Variants in M1AP observed in about 807,000 individuals in gnomAD.
M1AP encodes the protein meiosis 1 associated protein.
Under a neutral mutation model 51.2 loss-of-function variants are expected in M1AP, and 39 were observed. That is an observed-to-expected ratio of 0.76 (90% CI 0.59 to 1.00). The LOEUF (loss-of-function observed/expected upper bound fraction) is 1.00. Ranked by LOEUF, M1AP falls within the 50% of genes least tolerant of loss-of-function variation. M1AP has a pLI of 0.00. For synonymous variants in M1AP, 251 were observed against 249.2 expected, an observed-to-expected ratio of 1.01 and a Z score of -0.07; for missense variants, 545 against 641.2, an observed-to-expected ratio of 0.85 and a Z score of 1.62.
At chr2:74,560,435 C>T (rs1677841997) in intron 8 of M1AP, 144 bp from the exon 9 acceptor site, 2 of 831,498 alleles carry the variant, frequency 2.4e-6, no homozygotes, top group Admixed American at 6.4e-5. Context: ...GATGCTGTCC[C>T]CCTGGGTGTT....
At chr2:74,586,373 C>A (rs1304148065) in intron 4 of M1AP, among the ~76,000 whole-genome samples, 2 of 152,212 alleles carry the variant, frequency 1.3e-5, no homozygotes, top group African/African-American at 2.4e-5. Context: ...ACTCCCTCCT[C>A]CTCAGCTCTC....
At chr2:74,619,904 C>G (rs1350902811) in intron 2 of M1AP, among the ~76,000 whole-genome samples, 2 of 152,088 alleles carry the variant, frequency 1.3e-5, no homozygotes, top group Non-Finnish European at 2.9e-5. Context: ...AAAAAGACAC[C>G]CAGGCAACAA....
chr2:74,587,019 T>A (rs975404173), intron 4 of M1AP, among the ~76,000 whole-genome samples: 8 of 149,890 alleles, frequency 5.3e-5, no homozygotes, highest in East Asian at 2.0e-4. Context: ...AAAAAAAAAA[T>A]TTGTTAGCTA....
intron 2 of M1AP, chr2:74,628,442 G>C (rs1234285581): frequency 2.5e-6 from 1 of 393,540 alleles, no homozygotes; most frequent in Non-Finnish European, 5.2e-6. Flanking sequence ...AACCATATAG[G>C]TTGGCATCTG....
At chr2:74,623,517 A>AG (rs962368095) in intron 2 of M1AP, among the ~76,000 whole-genome samples, 17 of 149,046 alleles carry the variant, frequency 1.1e-4, no homozygotes, top group Admixed American at 2.0e-4. Flanking sequence ...AAAAAAAAAA[A>AG]AGAGAGAGAG....
intron 2 of M1AP, among the ~76,000 whole-genome samples, chr2:74,618,087 G>A (rs1558685093): frequency 6.6e-6 from 1 of 152,214 alleles, no homozygotes; most frequent in Non-Finnish European, 1.5e-5. Context: ...ATGATGATAT[G>A]GTTGGGGGGA....
intron 1 of M1AP, among the ~76,000 whole-genome samples, chr2:74,647,075 G>C (rs1683654520): frequency 6.6e-6 from 1 of 152,120 alleles, no homozygotes; most frequent in African/African-American, 2.4e-5. Context: ...CTGCAAACTG[G>C]TTAAAACTGG....
chr2:74,612,548 T>C (rs1339254380), intron 3 of M1AP, among the ~76,000 whole-genome samples: 1 of 152,154 alleles, frequency 6.6e-6, no homozygotes, highest in Non-Finnish European at 1.5e-5. Context: ...TTTTTTTCCT[T>C]CTAGTAATTT....
At chr2:74,648,131 G>A in intron 1 of M1AP, 134 bp downstream of exon 1, 1 of 972,908 alleles carries the variant, frequency 1.0e-6, no homozygotes, top group Non-Finnish European at 1.2e-6. Context: ...TCTTGCGCCG[G>A]CACCCGCCAC....
chr2:74,588,407 C>T (rs1454947110), intron 4 of M1AP, among the ~76,000 whole-genome samples: 1 of 152,172 alleles, frequency 6.6e-6, no homozygotes, highest in Admixed American at 6.5e-5. Context: ...GCTGTCTACT[C>T]TCTGAATACA....
chr2:74,617,919 C>T (rs2104750426), intron 2 of M1AP, among the ~76,000 whole-genome samples: 1 of 152,340 alleles, frequency 6.6e-6, no homozygotes, highest in Admixed American at 6.5e-5. Context: ...AGTCTGTGCA[C>T]ATGTCAACTA....
At chr2:74,603,783 T>G (rs564907580) in intron 4 of M1AP, among the ~76,000 whole-genome samples, 1 of 152,162 alleles carries the variant, frequency 6.6e-6, no homozygotes, top group Non-Finnish European at 1.5e-5. Context: ...AGGATCCACA[T>G]GTGTCAGAAT....
At chr2:74,640,398 C>A in intron 1 of M1AP, 71 bp from the exon 2 acceptor site, 1 of 1,296,052 alleles carries the variant, frequency 7.7e-7, no homozygotes, top group Admixed American at 2.7e-5. Context: ...ATATAAAATA[C>A]AAGTCGAGGG....
intron 2 of M1AP, 135 bp from the exon 3 acceptor site, chr2:74,615,284 G>A (rs1343177153): frequency 2.6e-5 from 20 of 762,934 alleles, no homozygotes; most frequent in Non-Finnish European, 4.0e-5. Context: ...AACATCTACT[G>A]AATTCCTATT....
intron 2 of M1AP, among the ~76,000 whole-genome samples, chr2:74,636,279 G>C (rs1350175259): frequency 6.6e-6 from 1 of 151,670 alleles, no homozygotes; most frequent in Non-Finnish European, 1.5e-5. Context: ...ATCCACTCCT[G>C]CTTTGTTTTG....
chr2:74,640,463 A>AT (rs757761825), intron 1 of M1AP, 136 bp from the exon 2 acceptor site: 55,003 of 512,026 alleles, frequency 0.11, 49 homozygotes, highest in Middle Eastern at 0.14. Context: ...AGGCCATCCT[A>AT]TTTTTTTTTT....
At chr2:74,636,426 T>C (rs1037633167) in intron 2 of M1AP, among the ~76,000 whole-genome samples, 9 of 152,148 alleles carry the variant, frequency 5.9e-5, no homozygotes, top group African/African-American at 1.7e-4. Context: ...TTTCTTTTAA[T>C]TGATGTTTTT....
At chr2:74,606,171 C>T (rs1680983996) in intron 4 of M1AP, among the ~76,000 whole-genome samples, 1 of 152,178 alleles carries the variant, frequency 6.6e-6, no homozygotes, top group African/African-American at 2.4e-5. Flanking sequence ...TGAGCCAAGG[C>T]TCAAAACTCC....
At chr2:74,638,477 A>G (rs1683109804) in intron 2 of M1AP, among the ~76,000 whole-genome samples, 2 of 152,188 alleles carry the variant, frequency 1.3e-5, no homozygotes, top group Admixed American at 1.3e-4. Context: ...AGGGTGGAAC[A>G]GTGACTTGCT....
Sources: allele counts gnomAD v4.1 joint callset (sites outside exome capture counted in the v4.1 genomes callset), GRCh38; gene constraint gnomAD v4.1.1; transcripts MANE v1.5; gene names NCBI Gene and HGNC (gene_info 2026-07-23, HGNC 2026-07-21).